ABTB3: variants seen among roughly 807,000 people sequenced by gnomAD.
ABTB3 encodes ankyrin repeat- and BTB/POZ domain-containing protein 3.
At chr12:107,451,122 G>A in the ABTB3 span, among the ~76,000 whole-genome samples, 2 of 152,120 alleles carry the variant, frequency 1.3e-5, no homozygotes, top group East Asian at 1.9e-4. Context: ...TGTACAGCAC[G>A]TTTTGCTTTG....
the ABTB3 span, among the ~76,000 whole-genome samples, chr12:107,445,456 T>C: frequency 2.6e-5 from 4 of 152,184 alleles, no homozygotes; most frequent in Non-Finnish European, 5.9e-5. Context: ...GTTTATTCAC[T>C]TTTTAAACAG....
chr12:107,367,312 T>C, the ABTB3 span, among the ~76,000 whole-genome samples: 67 of 152,274 alleles, frequency 4.4e-4, no homozygotes, highest in Non-Finnish European at 9.0e-4. Flanking sequence ...GCTTGACTGA[T>C]TGGCATGAAG....
chr12:107,508,550 G>A, the ABTB3 span, among the ~76,000 whole-genome samples: 35 of 145,918 alleles, frequency 2.4e-4, no homozygotes, highest in African/African-American at 8.4e-4. Context: ...CACCTCCGGG[G>A]TTCAAGCAAT....
chr12:107,495,237 C>A, the ABTB3 span, among the ~76,000 whole-genome samples: 2 of 152,206 alleles, frequency 1.3e-5, no homozygotes, highest in Non-Finnish European at 2.9e-5. Flanking sequence ...TCGTCTCCTG[C>A]CAGGCCACTT....
chr12:107,345,250 A>G, the ABTB3 span, among the ~76,000 whole-genome samples: 494 of 152,320 alleles, frequency 3.2e-3, 4 homozygotes, highest in African/African-American at 0.011. Context: ...TAAAGGCAGA[A>G]GACTCTTTAC....
the ABTB3 span, among the ~76,000 whole-genome samples, chr12:107,396,879 T>C: frequency 6.6e-6 from 1 of 152,184 alleles, no homozygotes; most frequent in Non-Finnish European, 1.5e-5. Context: ...GCTGTCTCTA[T>C]GTGTTCATAA....
chr12:107,621,561 CGTTCTTA>C, the ABTB3 span, among the ~76,000 whole-genome samples: 3 of 152,148 alleles, frequency 2.0e-5, no homozygotes, highest in African/African-American at 7.2e-5. Flanking sequence ...CTAACCTGTG[CGTTCTTA>C]AAGTAAACTT....
the ABTB3 span, among the ~76,000 whole-genome samples, chr12:107,549,439 A>C: frequency 6.6e-6 from 1 of 152,206 alleles, no homozygotes; most frequent in Non-Finnish European, 1.5e-5. Flanking sequence ...CCAGCATGTT[A>C]GTTATAGCTC....
the ABTB3 span, among the ~76,000 whole-genome samples, chr12:107,547,171 G>A: frequency 1.3e-5 from 2 of 148,618 alleles, no homozygotes; most frequent in Admixed American, 6.7e-5. Context: ...TCCAACCTGG[G>A]TCACAAAGTA....
the ABTB3 span, among the ~76,000 whole-genome samples, chr12:107,422,740 G>A: frequency 6.6e-6 from 1 of 152,182 alleles, no homozygotes. Flanking sequence ...GTATTAATTA[G>A]GACTCTTGCT....
chr12:107,461,155 A>G, the ABTB3 span, among the ~76,000 whole-genome samples: 2 of 152,142 alleles, frequency 1.3e-5, no homozygotes, highest in Non-Finnish European at 2.9e-5. Flanking sequence ...ATCTTGTGAG[A>G]CTTGTTCACT....
At chr12:107,416,847 G>C in the ABTB3 span, among the ~76,000 whole-genome samples, 1 of 152,070 alleles carries the variant, frequency 6.6e-6, no homozygotes, top group Admixed American at 6.5e-5. Context: ...TGTCCAGGCT[G>C]GTCTCAAACT....
the ABTB3 span, among the ~76,000 whole-genome samples, chr12:107,636,810 A>G: frequency 6.6e-6 from 1 of 152,244 alleles, no homozygotes; most frequent in South Asian, 2.1e-4. Flanking sequence ...TTCCCAGGAC[A>G]TAGCAACAAT....
chr12:107,359,026 C>T, the ABTB3 span, among the ~76,000 whole-genome samples: 236 of 152,348 alleles, frequency 1.5e-3, no homozygotes, highest in African/African-American at 5.2e-3. Context: ...TGGCAGGTTG[C>T]GGGCAGCAGC....
chr12:107,408,358 C>T, the ABTB3 span, among the ~76,000 whole-genome samples: 5 of 152,178 alleles, frequency 3.3e-5, no homozygotes, highest in Non-Finnish European at 7.3e-5. Context: ...TCAAGACCAG[C>T]ATTGACATTT....
the ABTB3 span, among the ~76,000 whole-genome samples, chr12:107,548,460 G>A: frequency 6.6e-6 from 1 of 152,234 alleles, no homozygotes; most frequent in African/African-American, 2.4e-5. Context: ...AGGCCTGCAT[G>A]CACCATTTTA....
chr12:107,576,568 TC>T, the ABTB3 span, among the ~76,000 whole-genome samples: 2,354 of 152,260 alleles, frequency 0.015, 58 homozygotes, highest in African/African-American at 0.052. Flanking sequence ...CATTACCTCT[TC>T]AAAGGCTCTC....
the ABTB3 span, among the ~76,000 whole-genome samples, chr12:107,452,202 ATTTTTT>A: frequency 6.4e-3 from 710 of 110,186 alleles, 3 homozygotes; most frequent in African/African-American, 0.021. Context: ...GCCCATATGA[ATTTTTT>A]TTTTTTTTTT....
the ABTB3 span, chr12:107,320,125 T>C: frequency 2.2e-6 from 3 of 1,364,036 alleles, no homozygotes; most frequent in African/African-American, 1.5e-5. Context: ...TGGCCAACTC[T>C]TGGCGCAAGT....
Sources: allele counts gnomAD v4.1 joint callset (sites outside exome capture counted in the v4.1 genomes callset), GRCh38; gene constraint gnomAD v4.1.1; transcripts MANE v1.5; gene names NCBI Gene and HGNC (gene_info 2026-07-23, HGNC 2026-07-21).